ART3: variants seen among roughly 807,000 people sequenced by gnomAD.
The protein encoded by ART3 is ecto-ADP-ribosyltransferase 3.
In ART3, 49 loss-of-function variants were observed where a neutral mutation model predicts 48.5. The ratio of observed to expected loss-of-function variants is 1.01; its 90% confidence interval spans 0.80 to 1.28. ART3 has a LOEUF of 1.28. Ranked by LOEUF, ART3 falls within the 50% of genes most tolerant of loss-of-function variation. ART3 has a pLI of 0.00. For synonymous variants in ART3, 145 were observed against 157.2 expected (o/e 0.92, Z 0.58); for missense variants, 438 against 454.3 (o/e 0.96, Z 0.33).
At chr4:76,041,536 A>G (rs1293434590) in intron 1 of ART3, 1 of 152,242 alleles carries the variant, frequency 6.6e-6, no homozygotes, top group Non-Finnish European at 1.5e-5. Context: ...AATTTTAAAT[A>G]TTCCAATAGC....
chr4:76,102,879 G>A (rs1472672503), intron 8 of ART3, among the ~76,000 whole-genome samples: 2 of 152,002 alleles, frequency 1.3e-5, no homozygotes, highest in Non-Finnish European at 2.9e-5. Flanking sequence ...TTGGGTCGAG[G>A]TCTTTGGGTT....
intron 3 of ART3, among the ~76,000 whole-genome samples, chr4:76,093,270 T>TA (rs955980356): frequency 6.6e-6 from 1 of 151,774 alleles, no homozygotes; most frequent in Non-Finnish European, 1.5e-5. Context: ...AAAAATAAAA[T>TA]AAAAAAAGTA....
At chr4:76,068,956 A>C (rs1246747714) in intron 1 of ART3, among the ~76,000 whole-genome samples, 4 of 152,210 alleles carry the variant, frequency 2.6e-5, no homozygotes, top group Non-Finnish European at 4.4e-5. Flanking sequence ...TGCATGGCTT[A>C]AATAGTTTTT....
chr4:76,090,564 G>A (rs925155696), intron 3 of ART3, among the ~76,000 whole-genome samples: 6 of 152,158 alleles, frequency 3.9e-5, no homozygotes, highest in African/African-American at 9.7e-5. Flanking sequence ...TCCAGACTGC[G>A]TCTAATGTTT....
intron 1 of ART3, among the ~76,000 whole-genome samples, chr4:76,069,250 G>GTT (rs1720055305): frequency 6.8e-6 from 1 of 147,508 alleles, no homozygotes; most frequent in African/African-American, 2.6e-5. Flanking sequence ...ACTCTAAAAA[G>GTT]AAGCCTAGTA....
chr4:76,104,385 T>C lies in ART3; in HGVS notation c.971-212T>C, dbSNP rs578165136. On this transcript the variant is annotated intron_variant, in intron 9 of 11. Coordinates refer to ENST00000355810, the MANE Select transcript of ART3 (RefSeq NM_001130016.3). ...CGATATTCTCCTGGCATAAACATGC[T>C]CAGTGAAGTGCTATGGCAGAAGACT... is the stretch of plus-strand genomic sequence containing the variant. The C allele has an allele frequency of 5.2e-5, 51 of 985,418 alleles. No individual in the cohort carries two copies. The African/African-American group carries it at 8.7e-4, about 17-fold the overall frequency. The allele number at this position is 985,418 out of a possible 1,614,324, so 61.0% of individuals were successfully genotyped here. A position where few individuals can be genotyped will look rare whatever the true frequency, so the allele number is the denominator to read the frequency against.
intron 2 of ART3, among the ~76,000 whole-genome samples, chr4:76,078,823 G>C (rs972468913): frequency 5.9e-5 from 9 of 152,210 alleles, no homozygotes; most frequent in Admixed American, 5.9e-4. Context: ...GCTCACGCCT[G>C]TAATCCCAGC....
intron 4 of ART3, among the ~76,000 whole-genome samples, chr4:76,098,738 C>T (rs749326651): frequency 4.6e-5 from 7 of 151,776 alleles, no homozygotes; most frequent in South Asian, 4.2e-4. Flanking sequence ...CCAGCCTGGG[C>T]GACAAAGCAA....
intron 1 of ART3, among the ~76,000 whole-genome samples, chr4:76,065,994 G>A (rs1195618811): frequency 6.6e-6 from 1 of 152,134 alleles, no homozygotes; most frequent in Non-Finnish European, 1.5e-5. Flanking sequence ...TAGCACATAG[G>A]AAGCAATGCC....
At position 76,102,904 on chromosome 4, in the gene ART3, C is replaced by T. The variant is rs576704452; in HGVS notation, c.938-1033C>T. ...GTCTTTGGGTTGAATTTTTAAAAAA[C>T]GAACAAGAGGTGCTTAACCTAGGAG... On this transcript the variant is annotated intron_variant, in intron 8 of 11. Transcript: ENST00000355810. Among the ~76,000 whole-genome samples the T allele has an allele frequency of 2.0e-5, 3 of 152,030 alleles. No individual in the cohort carries two copies. In the East Asian group the frequency reaches 5.8e-4, roughly 29 times the overall value.
chr4:76,073,582 A>C (rs1720545889), upstream of ART3, among the ~76,000 whole-genome samples: 1 of 152,198 alleles, frequency 6.6e-6, no homozygotes, highest in African/African-American at 2.4e-5. Flanking sequence ...TACAAAAAAA[A>C]CACATATCAT....
At chr4:76,049,308 T>C (rs554061057) in intron 1 of ART3, among the ~76,000 whole-genome samples, 1 of 151,982 alleles carries the variant, frequency 6.6e-6, no homozygotes, top group African/African-American at 2.4e-5. Flanking sequence ...TGGCAGGCAT[T>C]AGGACCCAGG....
intron 1 of ART3, chr4:76,058,477 T>G (rs570978851): frequency 6.6e-6 from 1 of 152,280 alleles, no homozygotes; most frequent in South Asian, 2.1e-4. Context: ...AAATAGAGAG[T>G]TGATTAAATG....
In ART3 at chr4:76,079,729, C is replaced by T. The variant is rs377064277; in HGVS notation, c.70-2095C>T. Among the ~76,000 whole-genome samples, 192 of 151,962 alleles carry T rather than the reference C, an allele frequency of 1.3e-3. 1 individual carries two copies. The highest frequency in any genetic ancestry group is 4.3e-3 in the African/African-American group (177 of 41,428). On this transcript the variant is annotated intron_variant, in intron 2 of 11. Transcript: ENST00000355810. ...CCATAATGGGGAGGGTTGAGCTATA[C>T]GTGGGAAATGAAGTGGAGATGGCAA...
At chr4:76,102,028 C>G (rs1727438292) in intron 8 of ART3, among the ~76,000 whole-genome samples, 1 of 151,968 alleles carries the variant, frequency 6.6e-6, no homozygotes. Flanking sequence ...TTAAAGAGAT[C>G]AATTGGCTTT....
chr4:76,079,852 C>T (rs12651516), intron 2 of ART3, among the ~76,000 whole-genome samples: 16,816 of 151,540 alleles, frequency 0.11, 1,260 homozygotes, highest in East Asian at 0.34. Flanking sequence ...TTTTGTTTTG[C>T]GTTTACAAGT....
At chr4:76,086,478 G>A in intron 3 of ART3, among the ~76,000 whole-genome samples, 1 of 152,180 alleles carries the variant, frequency 6.6e-6, no homozygotes, top group Non-Finnish European at 1.5e-5. Flanking sequence ...AGGAACTGAA[G>A]AGATGTAGAT....
intron 3 of ART3, 145 bp downstream of exon 3, chr4:76,082,680 C>A: frequency 1.7e-6 from 1 of 605,216 alleles, no homozygotes; most frequent in Non-Finnish European, 2.6e-6. Context: ...TCTCTTTACC[C>A]ATAGTTAATT....
intron 1 of ART3, among the ~76,000 whole-genome samples, chr4:76,052,956 T>G (rs553208107): frequency 6.6e-6 from 1 of 152,198 alleles, no homozygotes; most frequent in East Asian, 1.9e-4. Context: ...CTCAAACTCC[T>G]GGTCTTAAGC....
Sources: allele counts gnomAD v4.1 joint callset (sites outside exome capture counted in the v4.1 genomes callset), GRCh38; gene constraint gnomAD v4.1.1; transcripts MANE v1.5; gene names NCBI Gene and HGNC (gene_info 2026-07-23, HGNC 2026-07-21).